Variants in AHCYL2 observed in about 807,000 individuals in gnomAD.
The protein encoded by AHCYL2 is S-adenosylhomocysteine hydrolase-like protein 2.
In AHCYL2, 28 loss-of-function variants were observed where a neutral mutation model predicts 81.4. The ratio of observed to expected loss-of-function variants is 0.34; its 90% CI spans 0.25 to 0.47. AHCYL2 has a LOEUF of 0.47. Ranked by LOEUF, AHCYL2 falls within the 20% of genes least tolerant of loss-of-function variation. AHCYL2 has a pLI of 1.00. For missense variants in AHCYL2, 551 were observed against 785.1 expected (o/e 0.70, Z 3.56); for synonymous variants, 272 against 290.2 (o/e 0.94, Z 0.64).
intron 1 of AHCYL2, among the ~76,000 whole-genome samples, chr7:129,324,616 C>T (rs567699720): frequency 9.9e-5 from 15 of 152,164 alleles, no homozygotes; most frequent in South Asian, 4.1e-4. Context: ...CCCGGGTTCA[C>T]GCCATTCTCC....
intron 1 of AHCYL2, among the ~76,000 whole-genome samples, chr7:129,337,507 C>T (rs1268552293): frequency 6.6e-6 from 1 of 152,068 alleles, no homozygotes; most frequent in Non-Finnish European, 1.5e-5. Context: ...TAAAACAATT[C>T]TCCTAGTTCA....
intron 1 of AHCYL2, among the ~76,000 whole-genome samples, chr7:129,234,985 A>G (rs968849797): frequency 2.6e-5 from 4 of 152,126 alleles, no homozygotes; most frequent in African/African-American, 9.7e-5. Flanking sequence ...TTTTCAGTAC[A>G]TGCTATATGT....
chr7:129,300,018 G>A (rs988810625), intron 1 of AHCYL2, among the ~76,000 whole-genome samples: 18 of 152,000 alleles, frequency 1.2e-4, no homozygotes, highest in African/African-American at 2.7e-4. Context: ...TTTAATTTTC[G>A]TGGGTACATA....
intron 1 of AHCYL2, among the ~76,000 whole-genome samples, chr7:129,283,167 T>A (rs1372654115): frequency 6.6e-6 from 1 of 152,190 alleles, no homozygotes; most frequent in Admixed American, 6.5e-5. Context: ...TCCTGCACAC[T>A]GTCTCTGCCT....
rs1794224835 is a variant in AHCYL2 at position 129,368,720 on chromosome 7, G to GT, written c.364-10915dup. On this transcript the variant is annotated intron_variant, in intron 1 of 16. Transcript: ENST00000325006. This position sits in a 1 kb window ranked among gnomAD's most constrained non-coding sequence, Gnocchi z 4.4. The stretch of plus-strand genomic sequence containing the variant: ...AGTTCCTAGGTACTAGGTCACCACT[G>GT]TTTCTTAATTATCCACGAAGCTGGG... 3.3e-5 allele frequency among the ~76,000 whole-genome samples: 5 copies of GT among 152,262 alleles called. No homozygotes were observed. The South Asian group carries it at 1.0e-3, about 32-fold the overall frequency.
chr7:129,416,102 T>C (rs1475522422), intron 12 of AHCYL2, among the ~76,000 whole-genome samples: 1 of 152,170 alleles, frequency 6.6e-6, no homozygotes, highest in Non-Finnish European at 1.5e-5. Context: ...AGTCTAGTTT[T>C]CTTTGTTTTG....
intron 1 of AHCYL2, among the ~76,000 whole-genome samples, chr7:129,250,632 A>G (rs191774598): frequency 6.6e-6 from 1 of 152,332 alleles, no homozygotes; most frequent in African/African-American, 2.4e-5. Context: ...AAAAGTATTC[A>G]GTCTTTCATC....
intron 1 of AHCYL2, among the ~76,000 whole-genome samples, chr7:129,333,242 A>G (rs983621357): frequency 1.3e-5 from 2 of 150,688 alleles, no homozygotes; most frequent in Non-Finnish European, 2.9e-5. Flanking sequence ...GGCTGAGTCC[A>G]GAGGATTGCT....
At chr7:129,362,624 T>TTA (rs1793973892) in intron 1 of AHCYL2, among the ~76,000 whole-genome samples, 1 of 112,878 alleles carries the variant, frequency 8.9e-6, no homozygotes, top group Non-Finnish European at 1.8e-5. Context: ...TTTTTTTTTT[T>TTA]ATGGTCTCAG....
At chr7:129,399,035 A>C (rs1020159034) in intron 5 of AHCYL2, among the ~76,000 whole-genome samples, 1 of 148,354 alleles carries the variant, frequency 6.7e-6, no homozygotes, top group Non-Finnish European at 1.5e-5. Context: ...CTAGCTACTC[A>C]TGAGGCTGAG....
At chr7:129,425,449 A>G (rs1797320438) in intron 15 of AHCYL2, among the ~76,000 whole-genome samples, 1 of 152,190 alleles carries the variant, frequency 6.6e-6, no homozygotes, top group Non-Finnish European at 1.5e-5. Context: ...CTTCCCTTAA[A>G]AGAGAAGAAT....
chr7:129,423,303 C>T (rs1797202552), intron 13 of AHCYL2, among the ~76,000 whole-genome samples: 1 of 152,198 alleles, frequency 6.6e-6, no homozygotes, highest in Non-Finnish European at 1.5e-5. Flanking sequence ...ATATGCCCGA[C>T]TGTAACCAGG....
chr7:129,278,761 C>T (rs1243245883), intron 1 of AHCYL2, among the ~76,000 whole-genome samples: 8 of 113,598 alleles, frequency 7.0e-5, no homozygotes, highest in Non-Finnish European at 1.3e-4. Flanking sequence ...TGTATTGAAG[C>T]TCTTTTTTTT....
At chr7:129,420,207 C>G (rs1468832912) in intron 12 of AHCYL2, among the ~76,000 whole-genome samples, 1 of 152,194 alleles carries the variant, frequency 6.6e-6, no homozygotes, top group Admixed American at 6.5e-5. Flanking sequence ...TTCTGCCATA[C>G]CTTTCTTCCC....
chr7:129,383,512 C>A (rs1459921669), intron 2 of AHCYL2, among the ~76,000 whole-genome samples: 2 of 152,226 alleles, frequency 1.3e-5, no homozygotes, highest in Non-Finnish European at 2.9e-5. Flanking sequence ...TCAGTTCCAA[C>A]CTTACCCATC....
At chr7:129,385,714 C>T (rs1584862925) in intron 2 of AHCYL2, among the ~76,000 whole-genome samples, 1 of 152,174 alleles carries the variant, frequency 6.6e-6, no homozygotes, top group African/African-American at 2.4e-5. Context: ...GAAAATTGGT[C>T]ACTTAACCAC....
Position 129,253,168 on chromosome 7 carries a change from C to T in AHCYL2, c.363+27729C>T, listed in dbSNP as rs899964324. 4.6e-5 allele frequency among the ~76,000 whole-genome samples: 7 copies of T among 151,760 alleles called. 1 individual carries two copies. Among genetic ancestry groups the T allele is most frequent in the Admixed American group, 4.6e-4 (7 of 15,246 alleles). On this transcript the variant is annotated intron_variant, in intron 1 of 16. Coordinates refer to ENST00000325006, the MANE Select transcript of AHCYL2 (RefSeq NM_015328.4). Reference sequence around the variant, plus strand: ...GTTGCAGTGAGCCGAGATTGTACCACTGCACTCCAGCCTGGCCGACAGAGC... The same window carrying T: ...GTTGCAGTGAGCCGAGATTGTACCATTGCACTCCAGCCTGGCCGACAGAGC...
chr7:129,336,264 C>T (rs941914812), intron 1 of AHCYL2, among the ~76,000 whole-genome samples: 3 of 151,914 alleles, frequency 2.0e-5, no homozygotes, highest in South Asian at 2.1e-4. Context: ...GACAGGGTTT[C>T]GCCATGTTGG....
chr7:129,416,516 AGCCGGG>A (rs1470719653), intron 12 of AHCYL2, among the ~76,000 whole-genome samples: 3 of 151,910 alleles, frequency 2.0e-5, no homozygotes, highest in African/African-American at 7.2e-5. Context: ...GAATATGATG[AGCCGGG>A]CCCAGTGGCT....
Sources: gnomAD v4.1 joint callset for allele counts (sites outside exome capture counted in the v4.1 genomes callset) on GRCh38, gnomAD v4.1.1 for gene constraint, Gnocchi (gnomAD v3.1) non-coding constraint, MANE v1.5 for transcripts, NCBI Gene and HGNC (gene_info 2026-07-23, HGNC 2026-07-21) for gene names.